The following TEX2 variants were observed in gnomAD, a reference collection of about 807,000 sequenced individuals.
The protein encoded by TEX2 is testis-expressed protein 2.
TEX2 carries 53 observed loss-of-function variants against 106.9 expected under a neutral mutation model. The observed-to-expected ratio is 0.50, with a 90% CI of 0.40 to 0.62. The LOEUF is 0.62. Among genes scored for constraint, TEX2 ranks in the 20% least tolerant of loss-of-function variants. The probability of loss-of-function intolerance (pLI) is 0.00; values close to 1 mark genes in which losing one functional copy is unlikely to be tolerated. For synonymous variants in TEX2, 523 were observed against 534.8 expected, an observed-to-expected ratio of 0.98 and a Z score of 0.30; for missense variants, 1,207 against 1,379.0, an observed-to-expected ratio of 0.88 and a Z score of 1.98.
At chr17:64,182,222 G>A (rs145010925) in intron 5 of TEX2, among the ~76,000 whole-genome samples, 1 of 152,284 alleles carries the variant, frequency 6.6e-6, no homozygotes, top group Non-Finnish European at 1.5e-5. Flanking sequence ...AAATAAGTCA[G>A]TCACAAAAAG....
intron 5 of TEX2, among the ~76,000 whole-genome samples, chr17:64,179,339 T>C (rs9889475): frequency 0.71 from 108,182 of 151,872 alleles, 38,616 homozygotes; most frequent in East Asian, 0.82. Flanking sequence ...GCAGAGAGGA[T>C]TGAAAAAAGG....
intron 5 of TEX2, among the ~76,000 whole-genome samples, 198 bp from the exon 6 acceptor site, chr17:64,177,669 T>TA (rs1279240125): frequency 1.3e-5 from 2 of 152,256 alleles, no homozygotes; most frequent in Non-Finnish European, 2.9e-5. Flanking sequence ...CCATCACAGC[T>TA]AAAACCTTCT....
At chr17:64,227,262 C>CA (rs1466420565) in intron 1 of TEX2, among the ~76,000 whole-genome samples, 5 of 149,314 alleles carry the variant, frequency 3.3e-5, no homozygotes, top group East Asian at 3.9e-4. Flanking sequence ...AATATGGGGG[C>CA]AAAAAATCCC....
chr17:64,238,557 G>C lies in TEX2; in HGVS notation c.-25-24315C>G, dbSNP rs533902574. ...CAGTTTCACATGGCCGGGAGGCCTC[G>C]GGAAACTTACAATCACGGCAGGAGA... is the stretch of plus-strand genomic sequence containing the variant. On this transcript the variant is annotated intron_variant, in intron 1 of 11. Transcript: ENST00000584379. Among the ~76,000 whole-genome samples, 4 of 152,314 alleles carry C rather than the reference G, an allele frequency of 2.6e-5. No individual in the cohort carries two copies. In the South Asian group the frequency reaches 8.3e-4, roughly 32 times the overall value.
Position 64,201,923 on chromosome 17 carries a change from G to A in TEX2, c.1645-6828C>T, listed in dbSNP as rs575851600. On this transcript the variant is annotated intron_variant, in intron 2 of 11. Transcript: ENST00000584379. ...CTGTGAGGATTAAATGAAATCTATG[G>A]GAAGCAGGAGTAAGCAGGAAGGCTA... Among the ~76,000 whole-genome samples the A allele has an allele frequency of 3.9e-5, 6 of 152,264 alleles. No individual in the cohort carries two copies. The East Asian group carries it at 9.6e-4, about 24-fold the overall frequency.
intron 8 of TEX2, 21 bp downstream of exon 8, chr17:64,160,780 A>C: frequency 6.2e-7 from 1 of 1,612,214 alleles, no homozygotes; most frequent in Non-Finnish European, 8.5e-7. Flanking sequence ...TGGATTAGTA[A>C]ATTCATATAT....
At chr17:64,187,306 A>T (rs543026186) in intron 5 of TEX2, among the ~76,000 whole-genome samples, 2 of 152,184 alleles carry the variant, frequency 1.3e-5, no homozygotes, top group Admixed American at 1.3e-4. Flanking sequence ...ATGGTTTTGG[A>T]GGAATGAGAC....
At position 64,219,530 on chromosome 17, in the gene TEX2, A is replaced by C. The variant is rs1219991372; in HGVS notation, c.-25-5288T>G. 1.3e-3 allele frequency among the ~76,000 whole-genome samples: 190 copies of C among 150,672 alleles called. 2 individuals carry two copies. Among genetic ancestry groups the C allele is most frequent in the African/African-American group, 4.3e-3 (177 of 41,040 alleles). ...CATCAAATAAAATAAAATAAAATAAAATAAAATAAAATAAAATAAAATATC... is the reference window on the plus strand; with the variant it reads ...CATCAAATAAAATAAAATAAAATAACATAAAATAAAATAAAATAAAATATC... On this transcript the variant is annotated intron_variant, in intron 1 of 11. Transcript: ENST00000584379.
chr17:64,251,624 GGT>G (rs1265406843), intron 1 of TEX2, among the ~76,000 whole-genome samples: 1 of 152,184 alleles, frequency 6.6e-6, no homozygotes, highest in African/African-American at 2.4e-5. Flanking sequence ...TGACATGTCA[GGT>G]GGACCTGATG....
At chr17:64,174,120 C>T (rs1243061837) in intron 6 of TEX2, among the ~76,000 whole-genome samples, 1 of 152,140 alleles carries the variant, frequency 6.6e-6, no homozygotes, top group African/African-American at 2.4e-5. Context: ...TGCTGGATTA[C>T]AGGCATAAGC....
chr17:64,182,171 C>G (rs1326133672), intron 5 of TEX2, among the ~76,000 whole-genome samples: 1 of 152,102 alleles, frequency 6.6e-6, no homozygotes, highest in Non-Finnish European at 1.5e-5. Flanking sequence ...TTCTGACTTA[C>G]GCTACCACAT....
intron 1 of TEX2, among the ~76,000 whole-genome samples, chr17:64,236,961 T>C (rs1406403607): frequency 6.6e-6 from 1 of 152,140 alleles, no homozygotes; most frequent in Non-Finnish European, 1.5e-5. Context: ...TGTCTTATAA[T>C]TTGCAAAGTG....
At chr17:64,246,258 CTT>C (rs781989190) in intron 1 of TEX2, among the ~76,000 whole-genome samples, 93 of 152,194 alleles carry the variant, frequency 6.1e-4, no homozygotes, top group Non-Finnish European at 1.2e-3. Context: ...CAGTGTTGTC[CTT>C]TTTTTGACAG....
chr17:64,173,451 T>C lies in TEX2; in HGVS notation c.2572-2252A>G, dbSNP rs565516796. Among the ~76,000 whole-genome samples, 5 of 152,222 alleles carry C rather than the reference T, an allele frequency of 3.3e-5. No individual in the cohort carries two copies. In the South Asian group the frequency reaches 1.0e-3, roughly 31 times the overall value. On this transcript the variant is annotated intron_variant, in intron 6 of 11. Transcript: ENST00000584379. ...GCATGAATTTAATACCTAACTTGGC[T>C]GGACCTCTTCAGCTGTTTCCCTGCA...
rs1410722480 is a variant in TEX2 at position 64,154,867 on chromosome 17, T to G, written c.2905A>C (p.Lys969Gln). ...CCTTCAGCCCCTGGGAGGAGCTGTT[T>G]GTCTCCCCCGCTGGGCTCTGGGGCA... ...DDAPEPSGGD[K>Q]QLLPGAEGYV... The change falls in exon 9 of 12, where the codon AAA becomes CAA. Residue 969 changes from lysine to glutamine, a missense_variant. This residue lies in a region of TEX2 where 1,067 missense variants were observed against 1,193.6 expected (regional missense o/e 0.89). Coordinates refer to ENST00000584379, the MANE Select transcript of TEX2 (RefSeq NM_001288732.2). 6.2e-7 allele frequency: 1 copy of G among 1,608,052 alleles called. No individual in the cohort carries two copies. The highest frequency in any genetic ancestry group is 8.5e-7 in the Non-Finnish European group (1 of 1,177,636).
At chr17:64,249,574 C>T (rs781791800) in intron 1 of TEX2, among the ~76,000 whole-genome samples, 1 of 152,172 alleles carries the variant, frequency 6.6e-6, no homozygotes, top group Non-Finnish European at 1.5e-5. Flanking sequence ...AACACTTTGG[C>T]ATTAAAAAAT....
chr17:64,199,443 G>C (rs1488185320), intron 2 of TEX2, among the ~76,000 whole-genome samples: 1 of 152,000 alleles, frequency 6.6e-6, no homozygotes, highest in African/African-American at 2.4e-5. Flanking sequence ...CACCATGTTG[G>C]CCAGGCTGGT....
intron 1 of TEX2, among the ~76,000 whole-genome samples, chr17:64,261,277 AATT>A (rs144555271): frequency 0.013 from 1,935 of 152,278 alleles, 37 homozygotes; most frequent in African/African-American, 0.044. Flanking sequence ...CATACAGCAA[AATT>A]ATTATTATTT....
At position 64,262,312 on chromosome 17, in the gene TEX2, T is replaced by C. The variant is rs148521526; in HGVS notation, c.-26+856A>G. ...AAAGAGCGAGGGTGGAAACAGACTT[T>C]GCCCTTACATTTGACGCCCAGTAAC... On this transcript the variant is annotated intron_variant, in intron 1 of 11. Coordinates refer to ENST00000584379, the MANE Select transcript of TEX2 (RefSeq NM_001288732.2). 7.7e-3 allele frequency among the ~76,000 whole-genome samples: 1,174 copies of C among 152,358 alleles called. 9 individuals are homozygous for C. The highest frequency in any genetic ancestry group is 0.014 in the Middle Eastern group (4 of 294).
Sources: allele counts gnomAD v4.1 joint callset (sites outside exome capture counted in the v4.1 genomes callset), GRCh38; gene constraint gnomAD v4.1.1; regional missense constraint gnomAD v4.1.1; transcripts MANE v1.5; gene names NCBI Gene and HGNC (gene_info 2026-07-23, HGNC 2026-07-21).